ABL2: variants seen among roughly 807,000 people sequenced by gnomAD.
The protein encoded by ABL2 is tyrosine-protein kinase ABL2.
ABL2 carries 49 observed loss-of-function variants against 107.7 expected under a neutral mutation model. The observed-to-expected ratio is 0.45, with a 90% CI of 0.36 to 0.58. ABL2 has a LOEUF of 0.58. ABL2 is among the 20% of genes least tolerant of loss of function. ABL2 has a pLI of 0.00. For missense variants in ABL2, 1,245 were observed against 1,457.0 expected, an observed-to-expected ratio of 0.85 and a Z score of 2.37; for synonymous variants, 549 against 548.6, an observed-to-expected ratio of 1.00 and a Z score of -0.01.
intron 1 of ABL2, among the ~76,000 whole-genome samples, chr1:179,186,991 C>A (rs768156920): frequency 6.6e-6 from 1 of 152,320 alleles, no homozygotes; most frequent in African/African-American, 2.4e-5. Flanking sequence ...CCTGCCCCCA[C>A]AAAGTGCTGG....
intron 9 of ABL2, among the ~76,000 whole-genome samples, chr1:179,114,609 A>G (rs1654440538): frequency 6.6e-6 from 1 of 152,076 alleles, no homozygotes; most frequent in Non-Finnish European, 1.5e-5. Flanking sequence ...TCCCCACCTT[A>G]ATCTCTAAAC....
chr1:179,229,465 G>T lies in ABL2; in HGVS notation c.-68C>A. On this transcript the variant is annotated 5_prime_UTR_variant, in exon 1 of 12. Coordinates refer to ENST00000502732, the MANE Select transcript of ABL2 (RefSeq NM_007314.4). ...ACATTCCTCCTCGGCTCCGGCCTCG[G>T]GCTCCTGGCGCTGCTCCGGTCTCTC... 1 of 1,402,580 alleles carries T rather than the reference G, an allele frequency of 7.1e-7. No individual in the cohort carries two copies. Among genetic ancestry groups the T allele is most frequent in the Non-Finnish European group, 9.2e-7 (1 of 1,082,770 alleles). The allele number at this position is 1,402,580 out of a possible 1,614,324, so 86.9% of individuals were successfully genotyped here. A position where few individuals can be genotyped will look rare whatever the true frequency, so the allele number is the denominator to read the frequency against.
chr1:179,228,070 AAAG>A (rs1486185835), intron 1 of ABL2, among the ~76,000 whole-genome samples: 2 of 150,738 alleles, frequency 1.3e-5, no homozygotes, highest in African/African-American at 2.4e-5. Context: ...AAAAAAAAAA[AAAG>A]AGTTTGGGCC....
rs1653022346 is a variant in ABL2, at chr1:179,100,674, G to C, written c.*7044C>G. ...CAGCTTCTGAGGGTTCAGCTCAGTAGCCTGGAGTGACAGGTAGGACCCTGA... is the reference window on the plus strand; with the variant it reads ...CAGCTTCTGAGGGTTCAGCTCAGTACCCTGGAGTGACAGGTAGGACCCTGA... On this transcript the variant is annotated 3_prime_UTR_variant, in exon 12 of 12. Transcript: ENST00000502732. 1 of 229,448 alleles carries C rather than the reference G, an allele frequency of 4.4e-6. No individual in the cohort carries two copies. Among genetic ancestry groups the C allele is most frequent in the African/African-American group, 2.2e-5 (1 of 45,146 alleles). The allele number at this position is 229,448 out of a possible 1,614,324, so 14.2% of individuals were successfully genotyped here.
chr1:179,162,053 T>C (rs941503806), intron 1 of ABL2, among the ~76,000 whole-genome samples: 5 of 152,176 alleles, frequency 3.3e-5, no homozygotes, highest in Non-Finnish European at 4.4e-5. Flanking sequence ...AGAAATGAAT[T>C]TCTGTTCATT....
chr1:179,111,184 A>G (rs574338248), intron 10 of ABL2, among the ~76,000 whole-genome samples: 76 of 149,134 alleles, frequency 5.1e-4, no homozygotes, highest in African/African-American at 1.8e-3. Flanking sequence ...GGGTTTCACC[A>G]TGTTGGCCAG....
chr1:179,161,022 C>T (rs1659035061), intron 1 of ABL2, among the ~76,000 whole-genome samples: 1 of 152,132 alleles, frequency 6.6e-6, no homozygotes, highest in South Asian at 2.1e-4. Context: ...GTGTGAGCCA[C>T]CATGCCCAGC....
intron 8 of ABL2, among the ~76,000 whole-genome samples, chr1:179,115,510 C>G (rs1032890760): frequency 1.3e-5 from 2 of 152,144 alleles, no homozygotes; most frequent in African/African-American, 4.8e-5. Context: ...GATGAACTCT[C>G]AAGCCATGCT....
intron 1 of ABL2, among the ~76,000 whole-genome samples, chr1:179,158,539 T>C (rs991433901): frequency 6.6e-6 from 1 of 152,180 alleles, no homozygotes; most frequent in Non-Finnish European, 1.5e-5. Flanking sequence ...AACCACCTGA[T>C]TGTCTTTCTG....
chr1:179,117,989 A>C (rs1013016341), intron 7 of ABL2, among the ~76,000 whole-genome samples: 10 of 151,770 alleles, frequency 6.6e-5, no homozygotes, highest in South Asian at 4.2e-4. Context: ...ACAAAAAAAA[A>C]CCATAAAAAA....
intron 1 of ABL2, among the ~76,000 whole-genome samples, chr1:179,173,540 G>C (rs1054882785): frequency 1.4e-5 from 2 of 146,388 alleles, no homozygotes; most frequent in Non-Finnish European, 3.0e-5. Flanking sequence ...TTGGTAGAGA[G>C]GGGGTTTCAC....
intron 4 of ABL2, among the ~76,000 whole-genome samples, chr1:179,125,773 AGAG>A (rs1045308886): frequency 2.0e-5 from 3 of 152,240 alleles, no homozygotes; most frequent in Non-Finnish European, 4.4e-5. Context: ...CCTATCACAT[AGAG>A]GAGAATAGAA....
At chr1:179,122,955 C>T (rs1405386043) in intron 4 of ABL2, among the ~76,000 whole-genome samples, 1 of 152,080 alleles carries the variant, frequency 6.6e-6, no homozygotes, top group African/African-American at 2.4e-5. Context: ...CTACCACGCC[C>T]GGCCAGTCTT....
intron 1 of ABL2, among the ~76,000 whole-genome samples, chr1:179,213,237 T>C (rs1489641443): frequency 3.9e-5 from 6 of 152,072 alleles, no homozygotes; most frequent in Admixed American, 3.9e-4. Context: ...CCATACTGAG[T>C]TTTGAAACAT....
chr1:179,152,102 G>A (rs1658397425), intron 1 of ABL2, among the ~76,000 whole-genome samples: 1 of 152,182 alleles, frequency 6.6e-6, no homozygotes, highest in Non-Finnish European at 1.5e-5. Flanking sequence ...AGATCAAGAT[G>A]TGGAAACCTG....
chr1:179,136,163 G>C (rs1473203455), intron 1 of ABL2, among the ~76,000 whole-genome samples: 3 of 151,898 alleles, frequency 2.0e-5, no homozygotes. Flanking sequence ...CCCCTACTGG[G>C]AAGTGAGGAG....
chr1:179,138,759 G>A (rs940248224), intron 1 of ABL2, among the ~76,000 whole-genome samples: 2 of 152,186 alleles, frequency 1.3e-5, no homozygotes, highest in African/African-American at 2.4e-5. Context: ...GCCCTTCAGC[G>A]CACCGCTGCA....
At chr1:179,154,460 T>C (rs1306489892) in intron 1 of ABL2, among the ~76,000 whole-genome samples, 10 of 152,260 alleles carry the variant, frequency 6.6e-5, no homozygotes, top group African/African-American at 2.4e-4. Flanking sequence ...AAACTCTGAC[T>C]GAGCCACATA....
chr1:179,146,351 G>A (rs759871356), intron 1 of ABL2, among the ~76,000 whole-genome samples: 2 of 152,100 alleles, frequency 1.3e-5, no homozygotes, highest in East Asian at 1.9e-4. Flanking sequence ...AATAAAGAAC[G>A]GCTGCCAGGT....
Sources: gnomAD v4.1 joint callset for allele counts (sites outside exome capture counted in the v4.1 genomes callset) on GRCh38, gnomAD v4.1.1 for gene constraint, MANE v1.5 for transcripts, NCBI Gene and HGNC (gene_info 2026-07-23, HGNC 2026-07-21) for gene names.